The following TMEM145 variants were observed in gnomAD, a reference collection of about 807,000 sequenced individuals.
TMEM145 encodes transmembrane protein 145.
Under a neutral mutation model 68.5 loss-of-function variants are expected in TMEM145, and 46 were observed. The ratio of observed to expected loss-of-function variants is 0.67; its 90% CI spans 0.53 to 0.86. The LOEUF (loss-of-function observed/expected upper bound fraction) is 0.86. TMEM145 is among the 40% of genes least tolerant of loss of function. The pLI is 0.00. For missense variants in TMEM145, 570 were observed against 645.8 expected (o/e 0.88, Z 1.27); for synonymous variants, 255 against 280.2 (o/e 0.91, Z 0.90).
In TMEM145 at chr19:42,323,704, A is replaced by C. The variant is rs770849325; in HGVS notation, c.1316A>C (p.Gln439Pro). Reference protein sequence around the residue: ...GSQSADKAFPQHVYGNVTFIS... With the variant: ...GSQSADKAFPPHVYGNVTFIS... ...CAATCCGCTGACAAGGCCTTCCCGCAGCACGTCTATGGGAACGTGACGTTT... is the reference window on the plus strand; with the variant it reads ...CAATCCGCTGACAAGGCCTTCCCGCCGCACGTCTATGGGAACGTGACGTTT... Residue 439 changes from glutamine to proline, a missense_variant, in exon 14 of 15, where the codon CAG (glutamine) becomes CCG (proline). Transcript: ENST00000301204. 2 of 1,614,180 alleles carry C rather than the reference A, an allele frequency of 1.2e-6. No homozygotes were observed. The highest frequency in any genetic ancestry group is 8.5e-7 in the Non-Finnish European group (1 of 1,180,014).
chr19:42,317,658 T>G (rs1434646027), intron 11 of TMEM145, 51 bp from the exon 12 acceptor site: 1 of 1,604,804 alleles, frequency 6.2e-7, no homozygotes, highest in Non-Finnish European at 8.5e-7. Context: ...CCGGGGACCC[T>G]AATAGAGGGG....
At chr19:42,321,199 T>G (rs1387301448) in intron 13 of TMEM145, 1 of 397,156 alleles carries the variant, frequency 2.5e-6, no homozygotes, top group African/African-American at 2.1e-5. Flanking sequence ...GGCTCCTGGG[T>G]CGGCAACAGG....
intron 12 of TMEM145, 23 bp downstream of exon 12, chr19:42,317,904 C>T: frequency 6.2e-7 from 1 of 1,612,968 alleles, no homozygotes; most frequent in Non-Finnish European, 8.5e-7. Context: ...GGGCCCCAGC[C>T]TGTCCCTGCC....
Position 42,324,776 on chromosome 19 carries a change from T to C in TMEM145, c.1441T>C (p.Phe481Leu), listed in dbSNP as rs1207054604. The change falls in exon 15 of 15, where the codon TTC (phenylalanine) becomes CTC (leucine). Residue 481 changes from phenylalanine to leucine, a missense_variant. Physicochemically the swap from Phe to Leu is conservative, Grantham distance 22. Coordinates refer to ENST00000301204, the MANE Select transcript of TMEM145 (RefSeq NM_173633.3). ...RAAPDSGLPL[F>L]RDLRPPGPLR... is the part of the protein sequence containing the mutation. The stretch of plus-strand genomic sequence containing the variant: ...GGCGCCGGATTCTGGGCTCCCGCTG[T>C]TCCGTGACCTCCGGCCCCCTGGCCC... 6.4e-7 allele frequency: 1 copy of C among 1,560,862 alleles called. No individual in the cohort carries two copies. Among genetic ancestry groups the C allele is most frequent in the South Asian group, 1.2e-5 (1 of 86,352 alleles).
Position 42,315,460 on chromosome 19 carries a change from C to A in TMEM145, c.646+20C>A. ...TAGAGGGTGAGGTTCCGTGTCCCAA[C>A]TTTTGGGTTCTGAAAGAGAAGGCAC... On this transcript the variant is annotated intron_variant, in intron 8 of 14. Coordinates refer to ENST00000301204, the MANE Select transcript of TMEM145 (RefSeq NM_173633.3). The A allele has an allele frequency of 6.2e-7, 1 of 1,613,796 alleles. No homozygotes were observed. Among genetic ancestry groups the A allele is most frequent in the South Asian group, 1.1e-5 (1 of 91,078 alleles).
At chr19:42,322,549 G>T (rs2038921301) in intron 13 of TMEM145, among the ~76,000 whole-genome samples, 1 of 152,186 alleles carries the variant, frequency 6.6e-6, no homozygotes, top group South Asian at 2.1e-4. Context: ...TCAGCTCCTT[G>T]TTCATTTTTT....
At chr19:42,323,023 A>T (rs1171092608) in intron 13 of TMEM145, among the ~76,000 whole-genome samples, 2 of 152,238 alleles carry the variant, frequency 1.3e-5, no homozygotes, top group Non-Finnish European at 2.9e-5. Context: ...CTGAAGGCTT[A>T]TATGCGCCAG....
chr19:42,314,374 T>C (rs1351625385), intron 2 of TMEM145, 28 bp downstream of exon 2: 1 of 1,614,110 alleles, frequency 6.2e-7, no homozygotes. Flanking sequence ...CTCGCCATGC[T>C]GAGGCTGGGT....
chr19:42,321,463 C>T (rs1324255839), intron 13 of TMEM145: 1 of 235,904 alleles, frequency 4.2e-6, no homozygotes, highest in African/African-American at 2.3e-5. Context: ...GATCTCGGCT[C>T]ACTGCAACTT....
At chr19:42,314,757 C>G (rs745877333) in intron 4 of TMEM145, 35 bp from the exon 5 acceptor site, 1 of 1,614,004 alleles carries the variant, frequency 6.2e-7, no homozygotes, top group Admixed American at 1.7e-5. Flanking sequence ...TTCGGGGCAT[C>G]AAGGACAGGC....
intron 14 of TMEM145, chr19:42,324,439 G>T (rs1207186607): frequency 1.0e-6 from 1 of 985,268 alleles, no homozygotes; most frequent in Admixed American, 6.1e-5. Context: ...CCTACCAGCC[G>T]CTCGTGCCCC....
intron 13 of TMEM145, among the ~76,000 whole-genome samples, chr19:42,321,960 C>T (rs1251089172): frequency 2.0e-5 from 3 of 152,306 alleles, no homozygotes; most frequent in South Asian, 2.1e-4. Context: ...GCCAGGGCTC[C>T]GTGGCCTTTG....
chr19:42,317,727 G>A lies in TMEM145; in HGVS notation c.919G>A (p.Val307Ile), dbSNP rs1265593704. The part of the protein sequence containing the change: ...YEAEFFDPGQ[V>I]LYTYESPAGY... ...GGTCTAGTTCTTTGACCCAGGCCAG[G>A]TACTGTACACGTATGAGTCGCCGGC... The change falls in exon 12 of 15, where the codon GTA becomes ATA. Residue 307 changes from valine to isoleucine, a missense_variant. Physicochemically the swap from Val to Ile is conservative, Grantham distance 29 (BLOSUM62 3). Coordinates refer to ENST00000301204, the MANE Select transcript of TMEM145 (RefSeq NM_173633.3). 17 of 1,614,184 alleles carry A rather than the reference G, an allele frequency of 1.1e-5. No homozygotes were observed. The highest frequency in any genetic ancestry group is 1.4e-5 in the Non-Finnish European group (17 of 1,180,024).
At chr19:42,316,604 C>T in intron 9 of TMEM145, 43 bp downstream of exon 9, 1 of 1,613,434 alleles carries the variant, frequency 6.2e-7, no homozygotes, top group Non-Finnish European at 8.5e-7. Context: ...GCCCAGGGCT[C>T]AGGTTGGGCA....
chr19:42,324,802 C>G lies in TMEM145; in HGVS notation c.1467C>G (p.Pro489=). ...PLFRDLRPPG[P]LRDL ...TCCGTGACCTCCGGCCCCCTGGCCC[C>G]CTTCGAGACCTCTGACCCCGCTGGA... The change falls in exon 15 of 15, where the codon CCC becomes CCG. Residue 489 remains proline (P), a synonymous_variant. Coordinates refer to ENST00000301204, the MANE Select transcript of TMEM145 (RefSeq NM_173633.3). 1.9e-6 allele frequency: 3 copies of G among 1,568,682 alleles called. No homozygotes were observed. Among genetic ancestry groups the G allele is most frequent in the Middle Eastern group, 3.4e-4 (2 of 5,932 alleles).
rs2038935252 is a variant in TMEM145, at chr19:42,323,786, C to T, written c.1398C>T (p.Thr466=). The change falls in exon 14 of 15, where the codon ACC becomes ACT. Residue 466 remains threonine, a synonymous_variant. Coordinates refer to ENST00000301204, the MANE Select transcript of TMEM145 (RefSeq NM_173633.3). Reference sequence around the variant, plus strand: ...TCTTCTCCATCCCCCCGCCCGCCACCTCCGTAAGCCCCGCGGCCCCAGCGC... The same window carrying T: ...TCTTCTCCATCCCCCCGCCCGCCACTTCCGTAAGCCCCGCGGCCCCAGCGC... ...TELFSIPPPA[T]SPLPRAAPDS... The T allele has an allele frequency of 6.2e-7, 1 of 1,613,662 alleles. No homozygotes were observed. Among genetic ancestry groups the T allele is most frequent in the South Asian group, 1.1e-5 (1 of 91,080 alleles).
At chr19:42,324,627 TCCCG>T in intron 14 of TMEM145, 106 bp from the exon 15 acceptor site, 3 of 1,178,656 alleles carry the variant, frequency 2.5e-6, no homozygotes, top group Middle Eastern at 3.6e-4. Context: ...TCCCCGGCCT[TCCCG>T]ACCCTTCCCA....
Position 42,320,254 on chromosome 19 carries a change from G to A in TMEM145, c.1074-63G>A. On this transcript the variant is annotated intron_variant, in intron 12 of 14. Coordinates refer to ENST00000301204, the MANE Select transcript of TMEM145 (RefSeq NM_173633.3). ...GCGTGTGTACATGGCAGGCGAGGTG[G>A]GGCTATAGGGTGGGGTGGAGGACAG... is the stretch of plus-strand genomic sequence containing the variant. 6.2e-6 allele frequency: 10 copies of A among 1,602,300 alleles called. No individual in the cohort carries two copies. The South Asian group carries it at 1.1e-4, about 18-fold the overall frequency.
At chr19:42,315,158 T>G (rs1272454971) in intron 6 of TMEM145, 30 bp from the exon 7 acceptor site, 1 of 1,613,862 alleles carries the variant, frequency 6.2e-7, no homozygotes, top group Non-Finnish European at 8.5e-7. Context: ...TCCACCTGAA[T>G]GAACCTTACT....
Sources: gnomAD v4.1 joint callset for allele counts (sites outside exome capture counted in the v4.1 genomes callset) on GRCh38, gnomAD v4.1.1 for gene constraint, MANE v1.5 for transcripts, NCBI Gene and HGNC (gene_info 2026-07-23, HGNC 2026-07-21) for gene names.